DIAPH2: variants seen among roughly 807,000 people sequenced by gnomAD.
DIAPH2 encodes protein diaphanous homolog 2.
A neutral mutation model predicts 92.7 loss-of-function variants in DIAPH2; 35 were observed. The ratio of observed to expected loss-of-function variants is 0.38; its 90% CI spans 0.29 to 0.50. The LOEUF is 0.50. DIAPH2 is among the 20% of genes least tolerant of loss of function. The pLI is 0.94. For missense variants in DIAPH2, 701 were observed against 819.5 expected (o/e 0.86, Z 1.77); for synonymous variants, 301 against 280.4 (o/e 1.07, Z -0.73).
chrX:96,914,162 G>A (rs371340914), intron 7 of DIAPH2, among the ~76,000 whole-genome samples: 1 of 110,861 alleles, frequency 9.0e-6, no homozygotes, highest in African/African-American at 3.3e-5. Flanking sequence ...GAATGTTACT[G>A]TATGAGCATA....
At chrX:97,001,734 CTG>C (rs969866156) in intron 17 of DIAPH2, among the ~76,000 whole-genome samples, 3 of 111,639 alleles carry the variant, frequency 2.7e-5, no homozygotes, top group African/African-American at 9.8e-5. Flanking sequence ...TGAATTCTCT[CTG>C]TATCTTTTTT....
intron 25 of DIAPH2, among the ~76,000 whole-genome samples, chrX:97,395,310 C>T (rs904731090): frequency 9.0e-6 from 1 of 111,419 alleles, no homozygotes; most frequent in Non-Finnish European, 1.9e-5. Flanking sequence ...CAACTCTCCT[C>T]GCACTCTCCC....
chrX:96,897,110 G>A (rs979718727), intron 5 of DIAPH2, among the ~76,000 whole-genome samples: 12 of 111,519 alleles, frequency 1.1e-4, no homozygotes, highest in Admixed American at 1.9e-4. Context: ...ACATCATGGC[G>A]ACTGTAGTTA....
At chrX:97,016,834 T>C (rs1237749664) in intron 17 of DIAPH2, among the ~76,000 whole-genome samples, 1 of 112,752 alleles carries the variant, frequency 8.9e-6, no homozygotes, top group Non-Finnish European at 1.9e-5. Flanking sequence ...ATCTACTTTG[T>C]TTATAGCTGC....
chrX:96,934,094 G>A (rs748315678), intron 10 of DIAPH2, among the ~76,000 whole-genome samples: 2 of 111,143 alleles, frequency 1.8e-5, no homozygotes, highest in African/African-American at 3.3e-5. Flanking sequence ...ATTTAGAACC[G>A]TAGATTTCAC....
At chrX:96,744,156 G>A (rs2064135818) in intron 3 of DIAPH2, among the ~76,000 whole-genome samples, 1 of 112,267 alleles carries the variant, frequency 8.9e-6, no homozygotes, top group African/African-American at 3.2e-5. Flanking sequence ...TTCTATATTA[G>A]TTTGACGGTA....
At chrX:97,468,341 C>T (rs1289171177) in intron 26 of DIAPH2, among the ~76,000 whole-genome samples, 1 of 111,355 alleles carries the variant, frequency 9.0e-6, no homozygotes, top group Non-Finnish European at 1.9e-5. Flanking sequence ...TAAGGACTTG[C>T]ATCATATTCA....
At chrX:96,937,616 G>T (rs904664030) in intron 11 of DIAPH2, among the ~76,000 whole-genome samples, 4 of 111,705 alleles carry the variant, frequency 3.6e-5, no homozygotes, top group African/African-American at 1.3e-4. Flanking sequence ...CTTGAATAAA[G>T]AATAGCATAA....
At chrX:97,387,053 T>C (rs939725453) in intron 25 of DIAPH2, among the ~76,000 whole-genome samples, 2 of 111,546 alleles carry the variant, frequency 1.8e-5, no homozygotes, top group African/African-American at 3.3e-5. Flanking sequence ...TGTTTTGTTT[T>C]GTTTTTTTGT....
intron 25 of DIAPH2, among the ~76,000 whole-genome samples, chrX:97,418,271 G>A (rs1481465281): frequency 1.8e-5 from 2 of 112,203 alleles, no homozygotes; most frequent in East Asian, 5.6e-4. Context: ...ATGAAAGAAA[G>A]AAGAACATTA....
intron 17 of DIAPH2, among the ~76,000 whole-genome samples, chrX:96,980,930 G>A (rs776754626): frequency 9.5e-6 from 1 of 105,435 alleles, no homozygotes; most frequent in African/African-American, 3.5e-5. Flanking sequence ...GGAGGCCAGG[G>A]TGGGTGGATC....
intron 26 of DIAPH2, among the ~76,000 whole-genome samples, chrX:97,482,539 G>T (rs1235349350): frequency 9.0e-6 from 1 of 111,700 alleles, no homozygotes; most frequent in African/African-American, 3.3e-5. Flanking sequence ...GCCAACAGCA[G>T]GGGGGAGAAT....
chrX:97,416,417 C>T (rs915090433), intron 25 of DIAPH2, among the ~76,000 whole-genome samples: 1 of 112,209 alleles, frequency 8.9e-6, no homozygotes, highest in South Asian at 3.7e-4. Flanking sequence ...TAAAAGATAG[C>T]CTGTAATATA....
chrX:97,403,517 A>G (rs147795406), intron 25 of DIAPH2, among the ~76,000 whole-genome samples: 3,102 of 111,990 alleles, frequency 0.028, 35 homozygotes, highest in Middle Eastern at 0.041. Context: ...TGAGATTCCC[A>G]TTTCTCTTTT....
At chrX:97,588,805 G>T (rs1234954388) in intron 26 of DIAPH2, among the ~76,000 whole-genome samples, 2 of 105,586 alleles carry the variant, frequency 1.9e-5, no homozygotes, top group East Asian at 6.0e-4. Context: ...TTCCATTATA[G>T]TATACTTAGT....
chrX:97,503,691 G>A (rs1382909532), intron 26 of DIAPH2, among the ~76,000 whole-genome samples: 2 of 111,727 alleles, frequency 1.8e-5, no homozygotes, highest in East Asian at 5.6e-4. Flanking sequence ...TTGATAGAAC[G>A]CTCATGAGAT....
chrX:96,865,972 G>T (rs1421085023), intron 4 of DIAPH2, among the ~76,000 whole-genome samples: 2 of 111,964 alleles, frequency 1.8e-5, no homozygotes, highest in Non-Finnish European at 3.8e-5. Flanking sequence ...GGGAAAAATT[G>T]TTACTTGTAC....
chrX:96,946,269 T>C (rs1043891052), intron 14 of DIAPH2, among the ~76,000 whole-genome samples: 1 of 111,703 alleles, frequency 9.0e-6, no homozygotes, highest in African/African-American at 3.2e-5. Context: ...ATAATTTTAT[T>C]AGCTTCTACC....
intron 19 of DIAPH2, among the ~76,000 whole-genome samples, chrX:97,082,391 G>A (rs150347947): frequency 0.024 from 2,563 of 107,481 alleles, 86 homozygotes; most frequent in African/African-American, 0.083. Flanking sequence ...AGGCCGAGGA[G>A]GGAATATCAC....
Sources: gnomAD v4.1 joint callset for allele counts (sites outside exome capture counted in the v4.1 genomes callset) on GRCh38, gnomAD v4.1.1 for gene constraint, MANE v1.5 for transcripts, NCBI Gene and HGNC (gene_info 2026-07-23, HGNC 2026-07-21) for gene names.